ZNF71: variants seen among roughly 807,000 people sequenced by gnomAD.
The protein encoded by ZNF71 is zinc finger protein 71, also known as endothelial zinc finger protein induced by tumor necrosis factor alpha.
A neutral mutation model predicts 6.7 loss-of-function variants in ZNF71; 3 were observed. The ratio of observed to expected loss-of-function variants is 0.45; its 90% CI spans 0.20 to 1.16. The LOEUF is 1.16. Among genes scored for constraint, ZNF71 ranks in the 50% most tolerant of loss-of-function variants. The probability of loss-of-function intolerance (pLI) is 0.25; values close to 1 mark genes in which losing one functional copy is unlikely to be tolerated. For synonymous variants in ZNF71, 343 were observed against 311.1 expected, an observed-to-expected ratio of 1.10 and a Z score of -1.08; for missense variants, 688 against 728.6, an observed-to-expected ratio of 0.94 and a Z score of 0.64.
chr19:56,620,562 C>T (rs866798703), intron 3 of ZNF71, among the ~76,000 whole-genome samples: 6 of 152,064 alleles, frequency 3.9e-5, no homozygotes, highest in Middle Eastern at 6.8e-3. Flanking sequence ...GACAGGGTCT[C>T]ACCCTGTCAC....
Position 56,623,060 on chromosome 19 carries a change from A to G in ZNF71, c.*303A>G, listed in dbSNP as rs2044878054. ...ACTAGCCCTCTTGAGTAACTGTCCT[A>G]GAGCTGGGACAGGTCACGCCTGCCT... On this transcript the variant is annotated 3_prime_UTR_variant, in exon 4 of 4. Coordinates refer to ENST00000599599, the MANE Select transcript of ZNF71 (RefSeq NM_001370215.1). 3 of 436,320 alleles carry G rather than the reference A, an allele frequency of 6.9e-6. No homozygotes were observed. The highest frequency in any genetic ancestry group is 1.3e-5 in the Non-Finnish European group (3 of 236,072). 27.0% of individuals were successfully genotyped at this position (436,320 alleles called of 1,614,324 possible).
intron 3 of ZNF71, among the ~76,000 whole-genome samples, chr19:56,616,699 C>A (rs1384566156): frequency 6.6e-6 from 1 of 152,202 alleles, no homozygotes; most frequent in Non-Finnish European, 1.5e-5. Context: ...GAACACTGTG[C>A]AGCTCATTCC....
chr19:56,602,226 G>A (rs2044676097), intron 2 of ZNF71, among the ~76,000 whole-genome samples: 1 of 152,122 alleles, frequency 6.6e-6, no homozygotes, highest in Non-Finnish European at 1.5e-5. Flanking sequence ...GACCTTTATT[G>A]GTTTCCAAGT....
chr19:56,600,113 T>TTGAGATGGAG (rs2044657694), intron 1 of ZNF71, among the ~76,000 whole-genome samples: 1 of 146,914 alleles, frequency 6.8e-6, no homozygotes, highest in African/African-American at 2.6e-5. Flanking sequence ...TTTTTTTTTT[T>TTGAGATGGAG]TGAGATGGAG....
rs2044886364 is a variant in ZNF71 at position 56,623,816 on chromosome 19, T to C, written c.*1059T>C. ...TTGTGTCTTGATGTGTGTCTTCACGTGGTTGTAAACGGCAGACTTCCTCAG... is the reference window on the plus strand; with the variant it reads ...TTGTGTCTTGATGTGTGTCTTCACGCGGTTGTAAACGGCAGACTTCCTCAG... On this transcript the variant is annotated 3_prime_UTR_variant, in exon 4 of 4. Coordinates refer to ENST00000599599, the MANE Select transcript of ZNF71 (RefSeq NM_001370215.1). 6.0e-6 allele frequency: 1 copy of C among 167,118 alleles called. No homozygotes were observed. Among genetic ancestry groups the C allele is most frequent in the African/African-American group, 2.4e-5 (1 of 41,440 alleles). The allele number at this position is 167,118 out of a possible 1,614,324, so 10.4% of individuals were successfully genotyped here.
rs2044878450 is a variant in ZNF71, at chr19:56,623,094, C to CT, written c.*338dup. On this transcript the variant is annotated 3_prime_UTR_variant, in exon 4 of 4. Coordinates refer to ENST00000599599, the MANE Select transcript of ZNF71 (RefSeq NM_001370215.1). ...ACAGGTCACGCCTGCCTCCACATCT[C>CT]TGTTTCTTCAGCGGGAAAGTGGAGC... 1 of 295,316 alleles carries CT rather than the reference C, an allele frequency of 3.4e-6. No homozygotes were observed. Among genetic ancestry groups the CT allele is most frequent in the South Asian group, 9.7e-5 (1 of 10,286 alleles). 18.3% of individuals were successfully genotyped at this position (295,316 alleles called of 1,614,324 possible).
At chr19:56,597,645 G>A (rs571826234) in intron 1 of ZNF71, among the ~76,000 whole-genome samples, 20 of 152,218 alleles carry the variant, frequency 1.3e-4, no homozygotes, top group Non-Finnish European at 2.5e-4. Flanking sequence ...CTTCGCAGAG[G>A]CGACCTGATA....
At position 56,618,051 on chromosome 19, in the gene ZNF71, C is replaced by G. The variant is rs1033379789; in HGVS notation, c.161-3217C>G. On this transcript the variant is annotated intron_variant, in intron 3 of 3. Coordinates refer to ENST00000599599, the MANE Select transcript of ZNF71 (RefSeq NM_001370215.1). This position sits in a 1 kb window ranked among gnomAD's most constrained non-coding sequence, Gnocchi z 4.6. ...CACCCCACACTACCATCTGTGCCAGCATCTGGGCATTGTGCCACACCCTGA... is the reference window on the plus strand; with the variant it reads ...CACCCCACACTACCATCTGTGCCAGGATCTGGGCATTGTGCCACACCCTGA... Among the ~76,000 whole-genome samples, 1 of 152,188 alleles carries G rather than the reference C, an allele frequency of 6.6e-6. No individual in the cohort carries two copies. The highest frequency in any genetic ancestry group is 1.5e-5 in the Non-Finnish European group (1 of 68,032).
rs1282823630 is a variant in ZNF71 at position 56,618,686 on chromosome 19, TG to T, written c.161-2580del. Among the ~76,000 whole-genome samples the T allele has an allele frequency of 8.2e-5, 11 of 134,102 alleles. No homozygotes were observed. Among genetic ancestry groups the T allele is most frequent in the African/African-American group, 3.2e-4 (11 of 34,850 alleles). 88.0% of individuals were successfully genotyped at this position (134,102 alleles called of 152,430 possible). A position where few individuals can be genotyped will look rare whatever the true frequency, so the allele number is the denominator to read the frequency against. On this transcript the variant is annotated intron_variant, in intron 3 of 3. Coordinates refer to ENST00000599599, the MANE Select transcript of ZNF71 (RefSeq NM_001370215.1). This position sits in a 1 kb window ranked among gnomAD's most constrained non-coding sequence, Gnocchi z 4.6. Reference sequence around the variant, plus strand: ...CGTCCACGGCAGGTCCACAGGACAGTGGATGCAGAGGCCCTGAGGCAGGAAG... The same window carrying T: ...CGTCCACGGCAGGTCCACAGGACAGTGATGCAGAGGCCCTGAGGCAGGAAG...
intron 2 of ZNF71, among the ~76,000 whole-genome samples, chr19:56,602,561 T>C (rs996964894): frequency 6.6e-6 from 1 of 152,202 alleles, no homozygotes; most frequent in African/African-American, 2.4e-5. Flanking sequence ...ATGAGCCTGA[T>C]AGGGGACAAA....
At chr19:56,602,275 T>C (rs955327990) in intron 2 of ZNF71, among the ~76,000 whole-genome samples, 1 of 152,224 alleles carries the variant, frequency 6.6e-6, no homozygotes, top group African/African-American at 2.4e-5. Context: ...TGAGGGACAC[T>C]GGGCACAAAT....
At chr19:56,595,853 TTGTG>T (rs60371305) in intron 1 of ZNF71, among the ~76,000 whole-genome samples, 5,141 of 137,556 alleles carry the variant, frequency 0.037, 165 homozygotes, top group African/African-American at 0.093. Flanking sequence ...GTGTGTGTGT[TTGTG>T]TGTGTGTGTG....
intron 2 of ZNF71, among the ~76,000 whole-genome samples, chr19:56,611,097 C>T (rs1477018321): frequency 6.6e-6 from 1 of 152,176 alleles, no homozygotes; most frequent in African/African-American, 2.4e-5. Context: ...TAAGAAGGAG[C>T]CAGCTTAGGC....
rs1047065 is a variant in ZNF71 at position 56,623,220 on chromosome 19, G to T, written c.*463G>T. The T allele has an allele frequency of 0.093, 16,499 of 177,580 alleles. 851 individuals carry two copies. Among genetic ancestry groups the T allele is most frequent in the Non-Finnish European group, 0.12 (8,811 of 74,174 alleles). 11.0% of individuals were successfully genotyped at this position (177,580 alleles called of 1,614,324 possible). ...TGCATTTTCTCCGTGGGTTGGGAGCGTGAGGGCCTTCCTATCCCTCCACCC... is the reference window on the plus strand; with the variant it reads ...TGCATTTTCTCCGTGGGTTGGGAGCTTGAGGGCCTTCCTATCCCTCCACCC... On this transcript the variant is annotated 3_prime_UTR_variant, in exon 4 of 4. Coordinates refer to ENST00000599599, the MANE Select transcript of ZNF71 (RefSeq NM_001370215.1).
At position 56,621,114 on chromosome 19, in the gene ZNF71, T is replaced by G. The variant is rs567823299; in HGVS notation, c.161-154T>G. On this transcript the variant is annotated intron_variant, in intron 3 of 3. Coordinates refer to ENST00000599599, the MANE Select transcript of ZNF71 (RefSeq NM_001370215.1). ...CTCAGTTCCATGCCTCCCTCCTCCCTCCCTCTCTGATCCAAGGTTCTTCTT... is the reference window on the plus strand; with the variant it reads ...CTCAGTTCCATGCCTCCCTCCTCCCGCCCTCTCTGATCCAAGGTTCTTCTT... 7.9e-5 allele frequency among the ~76,000 whole-genome samples: 12 copies of G among 152,298 alleles called. No individual in the cohort carries two copies. In the East Asian group the frequency reaches 2.3e-3, roughly 29 times the overall value.
Position 56,622,625 on chromosome 19 carries a change from C to T in ZNF71, c.1518C>T (p.Ser506=). Residue 506 remains serine (S), a synonymous_variant, in exon 4 of 4, where the codon TCC becomes TCT. Coordinates refer to ENST00000599599, the MANE Select transcript of ZNF71 (RefSeq NM_001370215.1). ...ACAGGTGCGGCCAGTGCGGGAAGTC[C>T]TTCATCAAGAACTCCTCCCTCACTG... is the stretch of plus-strand genomic sequence containing the variant. ...KPYRCGQCGK[S]FIKNSSLTVH... is the part of the protein sequence containing the mutation. The T allele has an allele frequency of 6.2e-7, 1 of 1,614,096 alleles. No homozygotes were observed. The highest frequency in any genetic ancestry group is 1.1e-5 in the South Asian group (1 of 91,080).
At chr19:56,604,799 G>A (rs537767590) in intron 2 of ZNF71, among the ~76,000 whole-genome samples, 3 of 152,342 alleles carry the variant, frequency 2.0e-5, no homozygotes, top group Middle Eastern at 6.8e-3. Flanking sequence ...GCCAGCGGGG[G>A]TGAGGCCTCC....
intron 3 of ZNF71, among the ~76,000 whole-genome samples, chr19:56,616,663 T>C (rs956922792): frequency 6.6e-6 from 1 of 152,222 alleles, no homozygotes; most frequent in Non-Finnish European, 1.5e-5. Context: ...TGCTAAATAC[T>C]GGAGGGAGTT....
chr19:56,601,424 G>T, intron 1 of ZNF71, 83 bp from the exon 2 acceptor site: 1 of 314,314 alleles, frequency 3.2e-6, no homozygotes. Flanking sequence ...TCTCTCAGTG[G>T]GTGTGTGTCT....
Sources: allele counts gnomAD v4.1 joint callset (sites outside exome capture counted in the v4.1 genomes callset), GRCh38; gene constraint gnomAD v4.1.1; non-coding constraint Gnocchi (gnomAD v3.1); transcripts MANE v1.5; gene names NCBI Gene and HGNC (gene_info 2026-07-23, HGNC 2026-07-21).